The following PPP3R1 variants were observed in gnomAD, a reference collection of about 807,000 sequenced individuals.
PPP3R1 encodes the protein protein phosphatase 3 regulatory subunit B, alpha.
PPP3R1 carries 5 observed loss-of-function variants against 22.6 expected under a neutral mutation model. The ratio of observed to expected loss-of-function variants is 0.22; its 90% CI spans 0.12 to 0.46. The LOEUF (loss-of-function observed/expected upper bound fraction) is 0.46, where lower values mean the gene tolerates loss of function less well. Ranked by LOEUF, PPP3R1 falls within the 20% of genes least tolerant of loss-of-function variation. PPP3R1 has a pLI of 0.99. For synonymous variants in PPP3R1, 56 were observed against 65.2 expected (o/e 0.86, Z 0.68); for missense variants, 61 against 203.2 (o/e 0.30, Z 4.25).
intron 5 of PPP3R1, among the ~76,000 whole-genome samples, chr2:68,182,657 TAAAAAA>T (rs34758901): frequency 8.1e-6 from 1 of 123,818 alleles, no homozygotes; most frequent in Non-Finnish European, 1.7e-5. Flanking sequence ...CTCTAATACT[TAAAAAA>T]AAAAAAAAAA....
At chr2:68,190,984 TACAA>T (rs763768585) in intron 2 of PPP3R1, among the ~76,000 whole-genome samples, 71 of 152,378 alleles carry the variant, frequency 4.7e-4, no homozygotes, top group Admixed American at 1.4e-3. Flanking sequence ...AATACTCTGT[TACAA>T]ACAAAGCTGC....
At chr2:68,230,815 C>A (rs1359984174) in intron 1 of PPP3R1, among the ~76,000 whole-genome samples, 1 of 152,178 alleles carries the variant, frequency 6.6e-6, no homozygotes, top group Non-Finnish European at 1.5e-5. Flanking sequence ...TCTTTCAGCA[C>A]TTGAAAAATG....
At position 68,209,484 on chromosome 2, in the gene PPP3R1, T is replaced by C. The variant is rs555559478; in HGVS notation, c.43+7608A>G. ...AAAAAAAAATAAAGGCCAGGTACAG[T>C]AGCTCATGCCTGTAATCCCAATACT... On this transcript the variant is annotated intron_variant, in intron 2 of 5. Transcript: ENST00000234310. Among the ~76,000 whole-genome samples, 29 of 150,226 alleles carry C rather than the reference T, an allele frequency of 1.9e-4. 1 individual carries two copies. In the South Asian group the frequency reaches 5.9e-3, roughly 31 times the overall value.
rs1553403038 is a variant in PPP3R1, at chr2:68,179,012, A to AAG, written c.*1950_*1951insCT. On this transcript the variant is annotated 3_prime_UTR_variant, in exon 6 of 6. Transcript: ENST00000234310. ...ACACAAACTAAAAAAAAAAAAAAAA[A>AAG]AAAAGAAAAAGAAAAAACCCTCATT... 8 of 151,128 alleles carry AAG rather than the reference A, an allele frequency of 5.3e-5. No individual in the cohort carries two copies. Among genetic ancestry groups the AAG allele is most frequent in the African/African-American group, 2.0e-4 (8 of 40,864 alleles). The allele number at this position is 151,128 out of a possible 1,614,324, so 9.4% of individuals were successfully genotyped here.
Position 68,229,239 on chromosome 2 carries a change from T to C in PPP3R1, c.4-12108A>G, listed in dbSNP as rs577316270. On this transcript the variant is annotated intron_variant, in intron 1 of 5. Transcript: ENST00000234310. Reference sequence around the variant, plus strand: ...ATTGCCCAGGCTCGTCTCAAACTCCTGGCCTCATGCAATCCTCCCACCTTA... The same window carrying C: ...ATTGCCCAGGCTCGTCTCAAACTCCCGGCCTCATGCAATCCTCCCACCTTA... Among the ~76,000 whole-genome samples the C allele has an allele frequency of 1.1e-4, 16 of 152,106 alleles. No individual in the cohort carries two copies. The East Asian group carries it at 2.9e-3, about 28-fold the overall frequency.
chr2:68,213,121 T>C (rs1669516481), intron 2 of PPP3R1, among the ~76,000 whole-genome samples: 1 of 152,236 alleles, frequency 6.6e-6, no homozygotes, highest in Non-Finnish European at 1.5e-5. Context: ...TGTTTCATTT[T>C]CTTATCATTC....
chr2:68,187,328 A>G lies in PPP3R1; in HGVS notation c.221-14T>C. 1 of 1,601,652 alleles carries G rather than the reference A, an allele frequency of 6.2e-7. No individual in the cohort carries two copies. Among genetic ancestry groups the G allele is most frequent in the Non-Finnish European group, 8.5e-7 (1 of 1,172,364 alleles). On this transcript the variant is annotated splice_polypyrimidine_tract_variant and intron_variant, in intron 3 of 5. Coordinates refer to ENST00000234310, the MANE Select transcript of PPP3R1 (RefSeq NM_000945.4). ...CCTCAATGAATTCTGAATAAGAGTT[A>G]AAAATGTTCACAAATCAGAACTTCC...
chr2:68,204,849 A>G (rs1241105135), intron 2 of PPP3R1, among the ~76,000 whole-genome samples: 2 of 152,224 alleles, frequency 1.3e-5, no homozygotes, highest in Non-Finnish European at 2.9e-5. Flanking sequence ...CAGTCAACCA[A>G]TTATTTACTC....
Position 68,207,022 on chromosome 2 carries a change from G to T in PPP3R1, c.43+10070C>A, listed in dbSNP as rs1356044128. On this transcript the variant is annotated intron_variant, in intron 2 of 5. Transcript: ENST00000234310. ...AGTATAAATAGTGAAGTGTGTCAAG[G>T]ACTGATTTCAACAATCTTATAATAT... is the stretch of plus-strand genomic sequence containing the variant. Among the ~76,000 whole-genome samples, 7 of 150,912 alleles carry T rather than the reference G, an allele frequency of 4.6e-5. No homozygotes were observed. The East Asian group carries it at 1.4e-3, about 29-fold the overall frequency.
chr2:68,240,172 A>T (rs1670092636), intron 1 of PPP3R1, among the ~76,000 whole-genome samples: 1 of 152,212 alleles, frequency 6.6e-6, no homozygotes, highest in African/African-American at 2.4e-5. Context: ...ACTGAGTCTC[A>T]GCCAATTACA....
At chr2:68,185,880 A>G (rs934518808) in intron 5 of PPP3R1, among the ~76,000 whole-genome samples, 1 of 152,260 alleles carries the variant, frequency 6.6e-6, no homozygotes, top group Non-Finnish European at 1.5e-5. Context: ...CTTAAGGATA[A>G]TATGAACTTC....
chr2:68,226,995 G>A (rs1030303965), intron 1 of PPP3R1, among the ~76,000 whole-genome samples: 1 of 151,922 alleles, frequency 6.6e-6, no homozygotes, highest in Non-Finnish European at 1.5e-5. Flanking sequence ...TTCACAAAGA[G>A]TCTATAACCA....
At chr2:68,204,904 C>G (rs1001623669) in intron 2 of PPP3R1, among the ~76,000 whole-genome samples, 1 of 152,292 alleles carries the variant, frequency 6.6e-6, no homozygotes, top group African/African-American at 2.4e-5. Context: ...TGTCAAAGTC[C>G]CAATTCTTTT....
At chr2:68,223,097 C>CA (rs1004647910) in intron 1 of PPP3R1, among the ~76,000 whole-genome samples, 18 of 151,996 alleles carry the variant, frequency 1.2e-4, no homozygotes, top group African/African-American at 4.3e-4. Flanking sequence ...GACAGTATCA[C>CA]AAAAAAAGAA....
intron 1 of PPP3R1, among the ~76,000 whole-genome samples, chr2:68,229,263 T>C (rs1320947988): frequency 6.6e-6 from 1 of 152,034 alleles, no homozygotes; most frequent in Non-Finnish European, 1.5e-5. Context: ...CCTCCCACCT[T>C]AGCCACCCCA....
chr2:68,219,530 T>C (rs1273252140), intron 1 of PPP3R1, among the ~76,000 whole-genome samples: 11 of 152,198 alleles, frequency 7.2e-5, no homozygotes, highest in Admixed American at 7.2e-4. Context: ...CTATAGTTTA[T>C]TGATCCCTGA....
intron 1 of PPP3R1, among the ~76,000 whole-genome samples, chr2:68,241,843 CAAAA>C (rs35587118): frequency 3.2e-5 from 3 of 92,698 alleles, no homozygotes; most frequent in East Asian, 7.1e-4. Flanking sequence ...GACTCCATCT[CAAAA>C]AAAAAAAAAA....
intron 5 of PPP3R1, among the ~76,000 whole-genome samples, chr2:68,181,622 TC>T (rs1252137189): frequency 6.6e-6 from 1 of 150,544 alleles, no homozygotes; most frequent in African/African-American, 2.5e-5. Context: ...AAACAACACT[TC>T]AGGTAAAAAC....
At chr2:68,236,135 T>C (rs1670015343) in intron 1 of PPP3R1, among the ~76,000 whole-genome samples, 1 of 152,212 alleles carries the variant, frequency 6.6e-6, no homozygotes, top group South Asian at 2.1e-4. Context: ...AGAATTGTCT[T>C]ATTTTCTTGT....
Sources: allele counts gnomAD v4.1 joint callset (sites outside exome capture counted in the v4.1 genomes callset), GRCh38; gene constraint gnomAD v4.1.1; transcripts MANE v1.5; gene names NCBI Gene and HGNC (gene_info 2026-07-23, HGNC 2026-07-21).